Variants in MAST4 observed in about 807,000 individuals in gnomAD.
MAST4 encodes microtubule-associated serine/threonine-protein kinase 4.
In MAST4, 89 loss-of-function variants were observed where a neutral mutation model predicts 162.7. That is an observed-to-expected ratio of 0.55 (90% CI 0.46 to 0.65). The LOEUF (loss-of-function observed/expected upper bound fraction) is 0.65. Among genes scored for constraint, MAST4 ranks in the 30% least tolerant of loss-of-function variants. The pLI is 0.00. For missense variants in MAST4, 3,153 were observed against 3,374.0 expected (o/e 0.93, Z 1.62); for synonymous variants, 1,479 against 1,361.1 (o/e 1.09, Z -1.91).
intron 1 of MAST4, among the ~76,000 whole-genome samples, chr5:66,651,678 G>A (rs893540286): frequency 7.2e-5 from 11 of 152,120 alleles, no homozygotes; most frequent in Non-Finnish European, 1.2e-4. Context: ...TCAGGAATCT[G>A]GATGTGGCTT....
intron 1 of MAST4, among the ~76,000 whole-genome samples, chr5:66,637,424 TGTA>T (rs1745195754): frequency 6.6e-6 from 1 of 152,124 alleles, no homozygotes. Flanking sequence ...AGTAATATAA[TGTA>T]TATTAGTATT....
chr5:66,825,261 GACAC>G (rs56076405), intron 3 of MAST4, among the ~76,000 whole-genome samples: 13,540 of 135,232 alleles, frequency 0.1, 687 homozygotes, highest in African/African-American at 0.14. Flanking sequence ...TAAAAACTAA[GACAC>G]ACACACACAC....
chr5:66,918,910 T>C (rs1379829188), intron 4 of MAST4, among the ~76,000 whole-genome samples: 2 of 152,208 alleles, frequency 1.3e-5, no homozygotes, highest in African/African-American at 4.8e-5. Flanking sequence ...CTTGACCAGC[T>C]TGGCCAACAT....
intron 1 of MAST4, among the ~76,000 whole-genome samples, chr5:66,727,638 G>A (rs541937736): frequency 1.2e-3 from 178 of 152,270 alleles, no homozygotes; most frequent in African/African-American, 3.9e-3. Flanking sequence ...TTAAAGAGCT[G>A]CACACAAGGA....
At chr5:66,840,635 A>G (rs1188492151) in intron 3 of MAST4, among the ~76,000 whole-genome samples, 3 of 152,148 alleles carry the variant, frequency 2.0e-5, no homozygotes, top group East Asian at 1.9e-4. Context: ...TCATTGGCCA[A>G]TGAGCTATTA....
In MAST4 at chr5:67,062,631, T is replaced by C. The variant is rs143768167; in HGVS notation, c.763+8139T>C. Among the ~76,000 whole-genome samples, 832 of 152,332 alleles carry C rather than the reference T, an allele frequency of 5.5e-3. 10 individuals carry two copies. The highest frequency in any genetic ancestry group is 0.018 in the African/African-American group (735 of 41,574). ...ACAAGACAAATAGTTCCCTTGCCTC[T>C]TTAAATTTAGGGAATAGGACAAAGG... is the stretch of plus-strand genomic sequence containing the variant. On this transcript the variant is annotated intron_variant, in intron 5 of 28. Coordinates refer to ENST00000403625, the MANE Select transcript of MAST4 (RefSeq NM_001164664.2).
chr5:66,839,272 T>C lies in MAST4; in HGVS notation c.642+50478T>C, dbSNP rs78349905. ...GTGAATCTTGAGTTTGAAGTACCTG[T>C]GGAAGCCATCTAGGTGCAGATGTTC... On this transcript the variant is annotated intron_variant, in intron 3 of 28. Coordinates refer to ENST00000403625, the MANE Select transcript of MAST4 (RefSeq NM_001164664.2). Among the ~76,000 whole-genome samples, 1,363 of 152,258 alleles carry C rather than the reference T, an allele frequency of 9.0e-3. 24 individuals carry two copies. The highest frequency in any genetic ancestry group is 0.03 in the African/African-American group (1,264 of 41,540).
chr5:66,976,278 C>T (rs1294742051), intron 4 of MAST4, among the ~76,000 whole-genome samples: 1 of 152,026 alleles, frequency 6.6e-6, no homozygotes, highest in African/African-American at 2.4e-5. Flanking sequence ...AGGCTCACTC[C>T]TTCTTCCTGG....
At chr5:66,916,682 G>T (rs530529229) in intron 4 of MAST4, among the ~76,000 whole-genome samples, 1 of 152,166 alleles carries the variant, frequency 6.6e-6, no homozygotes, top group African/African-American at 2.4e-5. Flanking sequence ...TGCATACATT[G>T]ATTTGTTGCA....
intron 6 of MAST4, chr5:67,093,564 G>T: frequency 4.8e-6 from 2 of 413,942 alleles, no homozygotes; most frequent in South Asian, 3.5e-5. Flanking sequence ...ATTATTTCTG[G>T]TCCCTGGCTG....
At chr5:67,012,813 C>T (rs1302469791) in intron 4 of MAST4, among the ~76,000 whole-genome samples, 1 of 152,120 alleles carries the variant, frequency 6.6e-6, no homozygotes, top group Admixed American at 6.5e-5. Flanking sequence ...CTTATTAATA[C>T]AATAAAAGGA....
chr5:66,754,220 AGGAGT>A (rs1753380054), intron 1 of MAST4, among the ~76,000 whole-genome samples: 1 of 151,830 alleles, frequency 6.6e-6, no homozygotes, highest in African/African-American at 2.4e-5. Flanking sequence ...AAACTGGAAG[AGGAGT>A]GGAGTAGGAA....
chr5:66,719,096 C>G (rs1169313567), intron 1 of MAST4, among the ~76,000 whole-genome samples: 1 of 152,146 alleles, frequency 6.6e-6, no homozygotes, highest in Non-Finnish European at 1.5e-5. Flanking sequence ...AAGTGAACTG[C>G]ATATGTTTGG....
chr5:66,758,384 TAAATAG>T (rs1242126832), intron 1 of MAST4, among the ~76,000 whole-genome samples: 2 of 151,522 alleles, frequency 1.3e-5, no homozygotes, highest in East Asian at 3.9e-4. Context: ...TATTATTAAA[TAAATAG>T]AAATAAATAT....
chr5:67,094,602 TG>T (rs1764230541), intron 6 of MAST4, among the ~76,000 whole-genome samples: 3 of 152,194 alleles, frequency 2.0e-5, no homozygotes, highest in Admixed American at 6.5e-5. Context: ...ACATTCAAAA[TG>T]TTCTGTGGCT....
At chr5:66,657,774 C>T (rs921405177) in intron 1 of MAST4, among the ~76,000 whole-genome samples, 7 of 152,072 alleles carry the variant, frequency 4.6e-5, no homozygotes, top group Admixed American at 1.3e-4. Flanking sequence ...GGAGAATGTG[C>T]CGTGGTTACT....
intron 23 of MAST4, 124 bp downstream of exon 23, chr5:67,145,503 A>C (rs1167222955): frequency 4.2e-6 from 3 of 722,122 alleles, no homozygotes; most frequent in African/African-American, 1.8e-5. Flanking sequence ...GACTTTCTCC[A>C]TGGCCTCAGT....
chr5:67,164,464 C>T lies in MAST4; in HGVS notation c.5285C>T (p.Thr1762Ile). The change falls in exon 29 of 29, where the codon ACA becomes ATA. Residue 1762 changes from threonine to isoleucine, a missense_variant. Physicochemically the swap from Thr to Ile is moderately conservative, Grantham distance 89 (BLOSUM62 -1). Coordinates refer to ENST00000403625, the MANE Select transcript of MAST4 (RefSeq NM_001164664.2). The surrounding 1 kb of genome is among the most constrained non-coding windows in gnomAD (Gnocchi z 5.3). ...AVSFVPLKAL[T>I]GRVDSGTEKP... The stretch of plus-strand genomic sequence containing the variant: ...TCTTTTGTTCCCCTCAAGGCCTTAA[C>T]AGGCCGGGTGGACAGTGGAACGGAG... 6.2e-7 allele frequency: 1 copy of T among 1,614,050 alleles called. No individual in the cohort carries two copies. The highest frequency in any genetic ancestry group is 8.5e-7 in the Non-Finnish European group (1 of 1,179,904).
chr5:66,648,507 G>C (rs201437561), intron 1 of MAST4, among the ~76,000 whole-genome samples: 20 of 152,062 alleles, frequency 1.3e-4, no homozygotes, highest in African/African-American at 4.6e-4. Context: ...GTAATGGCTT[G>C]GTGACTTTTT....
Sources: gnomAD v4.1 joint callset for allele counts (sites outside exome capture counted in the v4.1 genomes callset) on GRCh38, gnomAD v4.1.1 for gene constraint, Gnocchi (gnomAD v3.1) non-coding constraint, MANE v1.5 for transcripts, NCBI Gene and HGNC (gene_info 2026-07-23, HGNC 2026-07-21) for gene names.